The following GCFC2 variants were observed in gnomAD, a reference collection of about 807,000 sequenced individuals.
GCFC2 encodes intron Large complex component GCFC2.
In GCFC2, 102 loss-of-function variants were observed where a neutral mutation model predicts 99.4. That is an observed-to-expected ratio of 1.03 (90% CI 0.87 to 1.21). The LOEUF is 1.21. Among genes scored for constraint, GCFC2 ranks in the 50% most tolerant of loss-of-function variants. GCFC2 has a pLI of 0.00. For synonymous variants in GCFC2, 338 were observed against 316.8 expected (o/e 1.07, Z -0.71); for missense variants, 973 against 920.9 (o/e 1.06, Z -0.73).
In GCFC2 at chr2:75,670,298, T is replaced by C. The variant is rs1397870283; in HGVS notation, c.1957-14A>G. Reference sequence around the variant, plus strand: ...ATTGCGGAAGAGCTAAAATAAAATATCAAGTAAATATGTACCTTTTCTCCA... The same window carrying C: ...ATTGCGGAAGAGCTAAAATAAAATACCAAGTAAATATGTACCTTTTCTCCA... On this transcript the variant is annotated splice_polypyrimidine_tract_variant and intron_variant, in intron 14 of 16. Coordinates refer to ENST00000321027, the MANE Select transcript of GCFC2 (RefSeq NM_003203.5). 5.8e-6 allele frequency: 9 copies of C among 1,548,932 alleles called. No individual in the cohort carries two copies. Among genetic ancestry groups the C allele is most frequent in the Non-Finnish European group, 8.0e-6 (9 of 1,122,562 alleles).
chr2:75,702,590 A>G (rs1680658655), intron 2 of GCFC2, 167 bp from the exon 3 acceptor site: 3 of 162,458 alleles, frequency 1.8e-5, no homozygotes, highest in African/African-American at 7.2e-5. Flanking sequence ...CAAAGGAAGA[A>G]AACTTAATAG....
At chr2:75,707,860 G>A (rs1312648850) in intron 1 of GCFC2, among the ~76,000 whole-genome samples, 1 of 152,130 alleles carries the variant, frequency 6.6e-6, no homozygotes, top group Non-Finnish European at 1.5e-5. Context: ...TAGCAGTTAT[G>A]GTATTTTTCC....
At chr2:75,670,309 T>A in intron 14 of GCFC2, 25 bp from the exon 15 acceptor site, 1 of 1,513,536 alleles carries the variant, frequency 6.6e-7, no homozygotes. Flanking sequence ...CAAGTAAATA[T>A]GTACCTTTTC....
In GCFC2 at chr2:75,672,334, T is replaced by TTATATATTTATAAATATGTTTATAAAA. The variant is rs1558732211; in HGVS notation, c.1890-345_1890-319dup. ...ATAAATATGTTTATAAAATATATAT[T>TTATATATTTATAAATATGTTTATAAAA]TATATATTTATAAATATGTTTATAA... On this transcript the variant is annotated intron_variant, in intron 13 of 16. Transcript: ENST00000321027. Among the ~76,000 whole-genome samples, 442 of 141,548 alleles carry TTATATATTTATAAATATGTTTATAAAA rather than the reference T, an allele frequency of 3.1e-3. 2 individuals carry two copies. Among genetic ancestry groups the TTATATATTTATAAATATGTTTATAAAA allele is most frequent in the African/African-American group, 0.011 (422 of 38,478 alleles). The allele number at this position is 141,548 out of a possible 152,430, so 92.9% of individuals were successfully genotyped here.
At chr2:75,676,084 G>C (rs958393207) in intron 12 of GCFC2, among the ~76,000 whole-genome samples, 2 of 152,180 alleles carry the variant, frequency 1.3e-5, no homozygotes, top group African/African-American at 4.8e-5. Flanking sequence ...ACAACAGTAG[G>C]AGCAGTTTTA....
chr2:75,674,359 T>G (rs184414152), intron 12 of GCFC2, among the ~76,000 whole-genome samples: 1 of 152,222 alleles, frequency 6.6e-6, no homozygotes, highest in Non-Finnish European at 1.5e-5. Flanking sequence ...TTTAAGGAGA[T>G]GTTACATCGC....
rs914757672 is a variant in GCFC2 at position 75,702,287 on chromosome 2, G to A, written c.531C>T (p.Asp177=). The A allele has an allele frequency of 6.2e-7, 1 of 1,613,534 alleles. No homozygotes were observed. The highest frequency in any genetic ancestry group is 8.5e-7 in the Non-Finnish European group (1 of 1,179,514). The part of the protein sequence containing the change: ...ISGMKRESED[D]PESEPDDHEK... ...CATGGTCATCAGGCTCACTCTCAGG[G>A]TCATCTTCGCTCTCTCTCTTCATAC... Residue 177 remains aspartate (D), a synonymous_variant, in exon 3 of 17, where the codon GAC becomes GAT. Transcript: ENST00000321027.
chr2:75,673,574 C>T, intron 12 of GCFC2, 54 bp from the exon 13 acceptor site: 1 of 738,962 alleles, frequency 1.4e-6, no homozygotes, highest in Non-Finnish European at 2.4e-6. Flanking sequence ...ATGTATTTAC[C>T]AAAAAAAAAG....
chr2:75,679,888 C>T (rs944983217), intron 12 of GCFC2: 1 of 410,230 alleles, frequency 2.4e-6, no homozygotes, highest in Non-Finnish European at 4.3e-6. Flanking sequence ...AATCTGGGTC[C>T]TTACATGTAT....
At chr2:75,710,303 G>A in intron 1 of GCFC2, 1 of 450,632 alleles carries the variant, frequency 2.2e-6, no homozygotes, top group East Asian at 4.0e-5. Context: ...TGATAACTGT[G>A]TTAGTTATAA....
rs150231603 is a variant in GCFC2 at position 75,691,980 on chromosome 2, A to G, written c.1141T>C (p.Ser381Pro). ...KHESTYLQQLSRKDETSTSGN... is the reference protein window; with the variant it reads ...KHESTYLQQLPRKDETSTSGN... ...ATGGAACACGAAAAACACTAACGTG[A>G]TAACTGTTGTAAATACGTTGATTCA... Residue 381 changes from serine (S) to proline (P), a missense_variant, in exon 7 of 17, where the codon TCA (serine) becomes CCA (proline). Ser to Pro is a moderately conservative substitution (Grantham distance 74). Coordinates refer to ENST00000321027, the MANE Select transcript of GCFC2 (RefSeq NM_003203.5). 48 of 1,504,986 alleles carry G rather than the reference A, an allele frequency of 3.2e-5. No homozygotes were observed. The highest frequency in any genetic ancestry group is 4.3e-5 in the Non-Finnish European group (48 of 1,115,424). The allele number at this position is 1,504,986 out of a possible 1,614,324, so 93.2% of individuals were successfully genotyped here. A position where few individuals can be genotyped will look rare whatever the true frequency, so the allele number is the denominator to read the frequency against.
chr2:75,677,150 G>C (rs1679378102), intron 12 of GCFC2, among the ~76,000 whole-genome samples: 1 of 152,170 alleles, frequency 6.6e-6, no homozygotes, highest in Admixed American at 6.5e-5. Flanking sequence ...ATCAATGACA[G>C]ATTATAGTAA....
At chr2:75,712,746 C>T (rs1407209826), upstream of GCFC2, among the ~76,000 whole-genome samples, 1 of 152,078 alleles carries the variant, frequency 6.6e-6, no homozygotes, top group Non-Finnish European at 1.5e-5. Flanking sequence ...AAGGAAGAAA[C>T]TCCAAACACA....
upstream of GCFC2, among the ~76,000 whole-genome samples, chr2:75,712,484 A>T (rs544792476): frequency 1.0e-3 from 152 of 152,290 alleles, no homozygotes; most frequent in Non-Finnish European, 1.6e-3. Context: ...CTGTCAAAAC[A>T]GGCCGCTGGG....
At chr2:75,700,897 A>G (rs1034052302) in intron 4 of GCFC2, among the ~76,000 whole-genome samples, 2 of 152,232 alleles carry the variant, frequency 1.3e-5, no homozygotes, top group African/African-American at 4.8e-5. Flanking sequence ...AAAAACACAC[A>G]GTAGAGACAT....
intron 2 of GCFC2, among the ~76,000 whole-genome samples, chr2:75,702,893 TCCCTCCTA>T: frequency 6.6e-6 from 1 of 152,218 alleles, no homozygotes; most frequent in South Asian, 2.1e-4. Flanking sequence ...CCTTCCTCCT[TCCCTCCTA>T]CCCACACTTA....
At chr2:75,690,146 A>G in intron 8 of GCFC2, 65 bp from the exon 9 acceptor site, 1 of 884,290 alleles carries the variant, frequency 1.1e-6, no homozygotes, top group Non-Finnish European at 1.8e-6. Context: ...ATAAATGCCT[A>G]AATTTTTTTT....
intron 9 of GCFC2, 25 bp downstream of exon 9, chr2:75,689,944 A>C (rs553121527): frequency 8.3e-7 from 1 of 1,206,736 alleles, no homozygotes; most frequent in Admixed American, 2.0e-5. Context: ...TCAAACCATG[A>C]TATATTAGAA....
rs113918596 is a variant in GCFC2 at position 75,663,872 on chromosome 2, T to TA, written c.*793dup. The TA allele has an allele frequency of 3.3e-3, 481 of 143,964 alleles. 2 individuals carry two copies. Among genetic ancestry groups the TA allele is most frequent in the Middle Eastern group, 0.018 (5 of 284 alleles). The allele number at this position is 143,964 out of a possible 1,614,324, so 8.9% of individuals were successfully genotyped here. A position where few individuals can be genotyped will look rare whatever the true frequency, so the allele number is the denominator to read the frequency against. On this transcript the variant is annotated 3_prime_UTR_variant, in exon 17 of 17. Coordinates refer to ENST00000321027, the MANE Select transcript of GCFC2 (RefSeq NM_003203.5). ...CAGACCCTGTCTCAAAAAATACAAT[T>TA]AAAAAAAAAATAAAAGAAAAATGGC...
Sources: allele counts gnomAD v4.1 joint callset (sites outside exome capture counted in the v4.1 genomes callset), GRCh38; gene constraint gnomAD v4.1.1; transcripts MANE v1.5; gene names NCBI Gene and HGNC (gene_info 2026-07-23, HGNC 2026-07-21).